Variants in MYOM2 observed in about 807,000 individuals in gnomAD.
MYOM2 encodes myomesin-2.
In MYOM2, 254 loss-of-function variants were observed where a neutral mutation model predicts 187.6. That is an observed-to-expected ratio of 1.35 (90% CI 1.22 to 1.50). MYOM2 has a LOEUF of 1.50. Ranked by LOEUF, MYOM2 falls within the 40% of genes most tolerant of loss-of-function variation. MYOM2 has a pLI of 0.00. For missense variants in MYOM2, 2,796 were observed against 1,924.0 expected (o/e 1.45, Z -8.48); for synonymous variants, 981 against 753.8 (o/e 1.30, Z -4.94).
chr8:2,071,935 C>T (rs535524585), intron 8 of MYOM2, among the ~76,000 whole-genome samples: 1 of 152,258 alleles, frequency 6.6e-6, no homozygotes, highest in South Asian at 2.1e-4. Context: ...CGATCTCATC[C>T]CACCCTCATC....
At chr8:2,081,779 A>T (rs1201750417) in intron 13 of MYOM2, 1 of 152,324 alleles carries the variant, frequency 6.6e-6, no homozygotes, top group Non-Finnish European at 1.5e-5. Flanking sequence ...TGTCAAATGA[A>T]GAAAGAGCGC....
intron 31 of MYOM2, among the ~76,000 whole-genome samples, chr8:2,126,716 A>C (rs1461361450): frequency 8.9e-6 from 1 of 112,786 alleles, no homozygotes; most frequent in Non-Finnish European, 1.8e-5. Context: ...CTGGGTGAGC[A>C]CTGGGGGAGG....
chr8:2,107,155 G>A (rs145951023), intron 23 of MYOM2, among the ~76,000 whole-genome samples: 71 of 152,278 alleles, frequency 4.7e-4, no homozygotes, highest in Non-Finnish European at 8.1e-4. Context: ...CAGGCACACA[G>A]TCTCATGCAG....
At chr8:2,109,603 T>A in intron 25 of MYOM2, 72 bp downstream of exon 25, 1 of 1,467,970 alleles carries the variant, frequency 6.8e-7, no homozygotes. Flanking sequence ...AGTTACTGAA[T>A]ATCAACATTC....
chr8:2,093,759 G>A (rs1796385780), intron 16 of MYOM2, among the ~76,000 whole-genome samples: 1 of 152,212 alleles, frequency 6.6e-6, no homozygotes, highest in Admixed American at 6.5e-5. Context: ...AAGTGGCTTT[G>A]GCACCACGTG....
chr8:2,118,174 G>C (rs1321668791), intron 28 of MYOM2, among the ~76,000 whole-genome samples: 5 of 152,164 alleles, frequency 3.3e-5, no homozygotes, highest in African/African-American at 1.2e-4. Context: ...TTACAGTGTA[G>C]TGGGATGCAA....
intron 9 of MYOM2, 41 bp downstream of exon 9, chr8:2,072,550 G>T (rs1237723939): frequency 6.3e-7 from 1 of 1,585,896 alleles, no homozygotes. Flanking sequence ...ACACCAGGAG[G>T]CTTTTGGACG....
chr8:2,079,304 G>A (rs1819540190), intron 12 of MYOM2, among the ~76,000 whole-genome samples: 2 of 151,988 alleles, frequency 1.3e-5, no homozygotes, highest in Non-Finnish European at 2.9e-5. Flanking sequence ...TCCTTAATGG[G>A]ACTGGGCCCT....
At position 2,141,139 on chromosome 8, in the gene MYOM2, A is replaced by C; in HGVS notation, c.3965-2A>C. Reference sequence around the variant, plus strand: ...AGTAACGTATGAACTATTTCCTCACAGCTTTTGATGAAGCATTTGCAGAAT... The same window carrying C: ...AGTAACGTATGAACTATTTCCTCACCGCTTTTGATGAAGCATTTGCAGAAT... On this transcript the variant is annotated splice_acceptor_variant, in intron 33 of 36. Transcript: ENST00000262113. LOFTEE classifies it high-confidence loss of function. 6.2e-7 allele frequency: 1 copy of C among 1,611,846 alleles called. No homozygotes were observed. Among genetic ancestry groups the C allele is most frequent in the Non-Finnish European group, 8.5e-7 (1 of 1,178,340 alleles).
chr8:2,122,309 T>C (rs28544174), intron 28 of MYOM2, among the ~76,000 whole-genome samples: 4,100 of 152,290 alleles, frequency 0.027, 189 homozygotes, highest in African/African-American at 0.093. Flanking sequence ...CTCAGTGGGA[T>C]ACCTTCCATC....
At chr8:2,093,017 C>G (rs1563049632) in intron 16 of MYOM2, among the ~76,000 whole-genome samples, 1 of 152,150 alleles carries the variant, frequency 6.6e-6, no homozygotes, top group Non-Finnish European at 1.5e-5. Context: ...GCCAGTGACC[C>G]TGCCTTTGGA....
At chr8:2,124,770 T>G (rs1192379176) in intron 31 of MYOM2, among the ~76,000 whole-genome samples, 1 of 152,168 alleles carries the variant, frequency 6.6e-6, no homozygotes, top group East Asian at 1.9e-4. Context: ...TTTTGTCTTT[T>G]TGATAATAGC....
chr8:2,068,980 G>C (rs1306537773), intron 6 of MYOM2, among the ~76,000 whole-genome samples: 1 of 152,204 alleles, frequency 6.6e-6, no homozygotes, highest in Non-Finnish European at 1.5e-5. Flanking sequence ...GACCAGAATG[G>C]AATAGAGACT....
chr8:2,054,756 C>T (rs1818600836), intron 3 of MYOM2, among the ~76,000 whole-genome samples: 1 of 152,230 alleles, frequency 6.6e-6, no homozygotes, highest in Non-Finnish European at 1.5e-5. Context: ...CAAGCTTTGT[C>T]TTCTCGATCC....
chr8:2,130,592 TC>T (rs1797830551), intron 32 of MYOM2, among the ~76,000 whole-genome samples: 1 of 152,280 alleles, frequency 6.6e-6, no homozygotes, highest in Non-Finnish European at 1.5e-5. Context: ...TTAGCTTTTT[TC>T]CTATTTCAAT....
At chr8:2,123,863 C>T (rs535118478) in intron 30 of MYOM2, among the ~76,000 whole-genome samples, 16 of 152,182 alleles carry the variant, frequency 1.1e-4, no homozygotes, top group Non-Finnish European at 2.2e-4. Context: ...TATGAAACGT[C>T]ATTTCGGTCC....
At position 2,050,949 on chromosome 8, in the gene MYOM2, C is replaced by T. The variant is rs1307251828; in HGVS notation, c.107+76C>T. On this transcript the variant is annotated intron_variant, in intron 2 of 36. Coordinates refer to ENST00000262113, the MANE Select transcript of MYOM2 (RefSeq NM_003970.4). ...TGACATTTAAAGGCTTTTCCAGTTC[C>T]GTCAGCCCTGGAGAGGCACTGGTTT... 1.9e-5 allele frequency: 23 copies of T among 1,193,554 alleles called. No individual in the cohort carries two copies. The East Asian group carries it at 2.0e-4, about 10-fold the overall frequency. 73.9% of individuals were successfully genotyped at this position (1,193,554 alleles called of 1,614,324 possible).
At chr8:2,069,667 C>T (rs10095815) in intron 8 of MYOM2, among the ~76,000 whole-genome samples, 170 bp downstream of exon 8, 83,432 of 151,608 alleles carry the variant, frequency 0.55, 23,280 homozygotes, top group Admixed American at 0.69. Flanking sequence ...CCATAAGCTC[C>T]GCCTCCCGGG....
At chr8:2,085,567 G>GCA (rs1239846743) in intron 14 of MYOM2, among the ~76,000 whole-genome samples, 177 bp downstream of exon 14, 2 of 11,878 alleles carry the variant, frequency 1.7e-4, no homozygotes, top group African/African-American at 1.9e-3. Flanking sequence ...TCTCTGCGTG[G>GCA]CCCCACTGTT....
Sources: allele counts gnomAD v4.1 joint callset (sites outside exome capture counted in the v4.1 genomes callset), GRCh38; gene constraint gnomAD v4.1.1; transcripts MANE v1.5; gene names NCBI Gene and HGNC (gene_info 2026-07-23, HGNC 2026-07-21).